The following GRID2 variants were observed in gnomAD, a reference collection of about 807,000 sequenced individuals.
The protein encoded by GRID2 is glutamate receptor ionotropic, delta-2.
A neutral mutation model predicts 114.8 loss-of-function variants in GRID2; 33 were observed. That is an observed-to-expected ratio of 0.29 (90% CI 0.22 to 0.38). GRID2 has a LOEUF of 0.38. Among genes scored for constraint, GRID2 ranks in the 10% least tolerant of loss-of-function variants. GRID2 has a pLI of 1.00. For missense variants in GRID2, 1,184 were observed against 1,257.7 expected (o/e 0.94, Z 0.89); for synonymous variants, 505 against 449.9 (o/e 1.12, Z -1.55).
chr4:92,329,778 A>G (rs2110141118), intron 1 of GRID2, among the ~76,000 whole-genome samples: 1 of 152,128 alleles, frequency 6.6e-6, no homozygotes, highest in Middle Eastern at 3.4e-3. Context: ...GTCTATGAAG[A>G]AAAAACAGGA....
chr4:93,011,887 C>T (rs915501575), intron 2 of GRID2, among the ~76,000 whole-genome samples: 5 of 151,904 alleles, frequency 3.3e-5, no homozygotes, highest in African/African-American at 7.3e-5. Context: ...CTTCCTAAAT[C>T]GGATCTGCTT....
chr4:93,534,236 A>G (rs1250275445), intron 13 of GRID2, among the ~76,000 whole-genome samples: 4 of 152,130 alleles, frequency 2.6e-5, no homozygotes, highest in South Asian at 4.1e-4. Flanking sequence ...TTTCCATAGC[A>G]TATGTCACTT....
intron 2 of GRID2, among the ~76,000 whole-genome samples, chr4:92,898,035 TAAAAA>T (rs1225958813): frequency 6.6e-6 from 1 of 151,954 alleles, no homozygotes; most frequent in African/African-American, 2.4e-5. Context: ...AATTGTAAGT[TAAAAA>T]AAAGTTGTAG....
chr4:92,472,097 C>G, intron 1 of GRID2, among the ~76,000 whole-genome samples: 1 of 117,834 alleles, frequency 8.5e-6, no homozygotes, highest in East Asian at 2.2e-4. Flanking sequence ...CTACGCCCAG[C>G]TAATTTTTTG....
chr4:93,738,173 CA>C (rs1298380245), intron 14 of GRID2, among the ~76,000 whole-genome samples: 1 of 152,108 alleles, frequency 6.6e-6, no homozygotes. Context: ...AAGAGATTGG[CA>C]AACCCAAGCC....
intron 8 of GRID2, among the ~76,000 whole-genome samples, chr4:93,331,132 C>G (rs1019257904): frequency 2.0e-5 from 3 of 147,050 alleles, no homozygotes; most frequent in Non-Finnish European, 4.5e-5. Flanking sequence ...TCTAACCCCC[C>G]CCCCATTTCA....
At chr4:93,075,311 A>G (rs1363930791) in intron 2 of GRID2, among the ~76,000 whole-genome samples, 1 of 152,206 alleles carries the variant, frequency 6.6e-6, no homozygotes, top group Non-Finnish European at 1.5e-5. Context: ...TCAGCAATAA[A>G]AGGAGACTTT....
At chr4:92,933,949 A>C (rs1283476075) in intron 2 of GRID2, among the ~76,000 whole-genome samples, 1 of 151,542 alleles carries the variant, frequency 6.6e-6, no homozygotes, top group Non-Finnish European at 1.5e-5. Context: ...AGTGTTTTTT[A>C]CTCTCTATGA....
At chr4:92,981,087 C>G (rs889573439) in intron 2 of GRID2, among the ~76,000 whole-genome samples, 3 of 152,012 alleles carry the variant, frequency 2.0e-5, no homozygotes, top group Non-Finnish European at 4.4e-5. Flanking sequence ...ATAATTTGCT[C>G]ATTACCCATG....
At chr4:93,754,595 A>G (rs1297300154) in intron 14 of GRID2, among the ~76,000 whole-genome samples, 2 of 152,194 alleles carry the variant, frequency 1.3e-5, no homozygotes, top group Admixed American at 6.5e-5. Context: ...GCTTACCACC[A>G]TATACAAGGT....
At chr4:93,674,919 A>T (rs953498926) in intron 14 of GRID2, among the ~76,000 whole-genome samples, 1 of 152,126 alleles carries the variant, frequency 6.6e-6, no homozygotes, top group African/African-American at 2.4e-5. Flanking sequence ...ATAAATAAGT[A>T]AATGGATGGA....
Position 93,304,834 on chromosome 4 carries a change from C to T in GRID2, c.1245+66344C>T, listed in dbSNP as rs570090702. Among the ~76,000 whole-genome samples, 16 of 152,150 alleles carry T rather than the reference C, an allele frequency of 1.1e-4. 1 individual carries two copies. The highest frequency in any genetic ancestry group is 3.6e-4 in the African/African-American group (15 of 41,524). The stretch of plus-strand genomic sequence containing the variant: ...ATACCATTTTACTGGAAGGCCAAAT[C>T]GTGTCCTTCTAGTAAAAATGTATAG... On this transcript the variant is annotated intron_variant, in intron 8 of 15. Coordinates refer to ENST00000282020, the MANE Select transcript of GRID2 (RefSeq NM_001510.4).
intron 2 of GRID2, among the ~76,000 whole-genome samples, chr4:92,874,304 G>A (rs1396346574): frequency 6.6e-6 from 1 of 152,114 alleles, no homozygotes. Flanking sequence ...ATAGGACTGA[G>A]TATTTTGCAT....
intron 2 of GRID2, among the ~76,000 whole-genome samples, chr4:92,957,243 A>AT (rs752709743): frequency 4.6e-5 from 7 of 151,190 alleles, no homozygotes; most frequent in South Asian, 2.1e-4. Context: ...AGGTCATATG[A>AT]TTTTTTTTTC....
chr4:93,171,122 A>G (rs1480367482), intron 4 of GRID2, among the ~76,000 whole-genome samples: 3 of 152,164 alleles, frequency 2.0e-5, no homozygotes, highest in African/African-American at 7.2e-5. Context: ...GTAAAATAAA[A>G]AGGCTTTGCA....
intron 2 of GRID2, among the ~76,000 whole-genome samples, chr4:92,638,977 T>A (rs1403876519): frequency 6.6e-6 from 1 of 151,392 alleles, no homozygotes; most frequent in African/African-American, 2.4e-5. Context: ...TATGAGGAAA[T>A]TTGCAGTCAT....
At chr4:93,496,528 A>G (rs1258074469) in intron 12 of GRID2, among the ~76,000 whole-genome samples, 1 of 151,672 alleles carries the variant, frequency 6.6e-6, no homozygotes, top group Non-Finnish European at 1.5e-5. Context: ...TTATAGTCAC[A>G]TTCACCCTTC....
intron 2 of GRID2, among the ~76,000 whole-genome samples, chr4:92,796,329 A>C (rs534645331): frequency 5.3e-5 from 8 of 152,064 alleles, no homozygotes; most frequent in East Asian, 2.0e-4. Context: ...TTTATAAGGC[A>C]GTCCCTTACT....
chr4:92,707,176 T>C (rs1734994790), intron 2 of GRID2, among the ~76,000 whole-genome samples: 1 of 152,132 alleles, frequency 6.6e-6, no homozygotes, highest in Non-Finnish European at 1.5e-5. Context: ...AAAAAGTACA[T>C]TATAAAAAGA....
Sources: allele counts gnomAD v4.1 joint callset (sites outside exome capture counted in the v4.1 genomes callset), GRCh38; gene constraint gnomAD v4.1.1; transcripts MANE v1.5; gene names NCBI Gene and HGNC (gene_info 2026-07-23, HGNC 2026-07-21).